Variants in DNAH11 observed in about 807,000 individuals in gnomAD.
DNAH11 encodes the protein dynein axonemal heavy chain 11, also known as axonemal beta dynein heavy chain 11.
In DNAH11, 442 loss-of-function variants were observed where a neutral mutation model predicts 526.0. The observed-to-expected ratio is 0.84, with a 90% CI of 0.78 to 0.91. The LOEUF is 0.91. DNAH11 is among the 40% of genes least tolerant of loss of function. The probability of loss-of-function intolerance (pLI) is 0.00; values close to 1 mark genes in which losing one functional copy is unlikely to be tolerated. For synonymous variants in DNAH11, 2,461 were observed against 1,935.9 expected (o/e 1.27, Z -7.12); for missense variants, 6,989 against 5,448.7 (o/e 1.28, Z -8.90).
At position 21,612,554 on chromosome 7, in the gene DNAH11, C is replaced by CAAAAAAAAAAAA. The variant is rs34356379; in HGVS notation, c.3853-2549_3853-2538dup. ...TGGGCGACAGAGTGAGGCTCCGTCT[C>CAAAAAAAAAAAA]AAAAAAAAAAAAAAAAAAAAAAGAG... is the stretch of plus-strand genomic sequence containing the variant. On this transcript the variant is annotated intron_variant, in intron 20 of 81. Transcript: ENST00000409508. Among the ~76,000 whole-genome samples, 12 of 81,230 alleles carry CAAAAAAAAAAAA rather than the reference C, an allele frequency of 1.5e-4. 1 individual carries two copies. Among genetic ancestry groups the CAAAAAAAAAAAA allele is most frequent in the African/African-American group, 5.7e-4 (11 of 19,222 alleles). The allele number at this position is 81,230 out of a possible 152,430, so 53.3% of individuals were successfully genotyped here.
intron 30 of DNAH11, among the ~76,000 whole-genome samples, chr7:21,674,920 C>T (rs1003418870): frequency 6.6e-6 from 1 of 152,122 alleles, no homozygotes; most frequent in Non-Finnish European, 1.5e-5. Flanking sequence ...GCCCGCTTGA[C>T]TCTTCTTTTC....
chr7:21,617,878 C>T, intron 23 of DNAH11, 101 bp downstream of exon 23: 2 of 1,247,244 alleles, frequency 1.6e-6, no homozygotes, highest in Admixed American at 2.8e-5. Flanking sequence ...GAAAAGACCC[C>T]CCTCAGCATA....
At chr7:21,637,568 G>T (rs868629059) in intron 26 of DNAH11, 43 bp from the exon 27 acceptor site, 1 of 1,230,256 alleles carries the variant, frequency 8.1e-7, no homozygotes, top group Non-Finnish European at 1.2e-6. Context: ...GTTTAGAAAA[G>T]ATTGTTCTAA....
chr7:21,865,757 T>C (rs1475040331), intron 70 of DNAH11, among the ~76,000 whole-genome samples: 1 of 152,174 alleles, frequency 6.6e-6, no homozygotes, highest in East Asian at 1.9e-4. Context: ...AGCAAGTTTA[T>C]TAATAAAGGA....
chr7:21,709,580 A>C (rs1310647738), intron 40 of DNAH11, among the ~76,000 whole-genome samples: 1 of 152,216 alleles, frequency 6.6e-6, no homozygotes, highest in Non-Finnish European at 1.5e-5. Flanking sequence ...CTAAAATAAA[A>C]GTTGAAATTT....
chr7:21,618,765 C>T (rs1785903025), intron 23 of DNAH11, among the ~76,000 whole-genome samples: 1 of 152,014 alleles, frequency 6.6e-6, no homozygotes, highest in African/African-American at 2.4e-5. Context: ...GGGATTTCAA[C>T]CAAATTATAA....
At chr7:21,885,923 G>A (rs1450201171) in intron 76 of DNAH11, among the ~76,000 whole-genome samples, 2 of 152,070 alleles carry the variant, frequency 1.3e-5, no homozygotes, top group Non-Finnish European at 2.9e-5. Flanking sequence ...TGTGTTTTCT[G>A]GAAAAAGTAC....
In DNAH11 at chr7:21,866,495, G is replaced by C; in HGVS notation, c.11522G>C (p.Arg3841Pro). Residue 3841 changes from arginine to proline, a missense_variant, in exon 71 of 82, where the codon CGA becomes CCA. Transcript: ENST00000409508. ...IKAIAVMEEF[R>P]GIDRDVEGSA... ...GCAATTGCCGTCATGGAAGAATTTC[G>C]AGGCATAGACCGAGATGTGGAAGGA... The C allele has an allele frequency of 6.2e-7, 1 of 1,611,248 alleles. No homozygotes were observed. The highest frequency in any genetic ancestry group is 8.5e-7 in the Non-Finnish European group (1 of 1,179,018).
At chr7:21,775,161 G>A (rs1474225212) in intron 56 of DNAH11, among the ~76,000 whole-genome samples, 1 of 151,142 alleles carries the variant, frequency 6.6e-6, no homozygotes, top group Non-Finnish European at 1.5e-5. Context: ...ACAAAACACT[G>A]TGATCTGTAC....
intron 65 of DNAH11, among the ~76,000 whole-genome samples, chr7:21,824,530 C>A (rs1431972483): frequency 1.3e-5 from 2 of 151,770 alleles, no homozygotes; most frequent in African/African-American, 4.8e-5. Context: ...AAGATCTGTC[C>A]CATTAAAAGA....
rs773707534 is a variant in DNAH11 at position 21,704,603 on chromosome 7, A to G, written c.6443A>G (p.Gln2148Arg). ...VRQSTLELRL[Q>R]PEESFILKVV... ...CAGTCTACCCTGGAGCTCCGCCTGC[A>G]GCCTGAAGAGAGCTTCATCCTCAAA... The change falls in exon 38 of 82, where the codon CAG becomes CGG. Residue 2148 changes from glutamine (Q) to arginine (R), a missense_variant. Coordinates refer to ENST00000409508, the MANE Select transcript of DNAH11 (RefSeq NM_001277115.2). 2 of 1,603,742 alleles carry G rather than the reference A, an allele frequency of 1.2e-6. No homozygotes were observed. Among genetic ancestry groups the G allele is most frequent in the Admixed American group, 3.5e-5 (2 of 56,706 alleles).
chr7:21,618,473 G>T, intron 23 of DNAH11: 1 of 152,584 alleles, frequency 6.6e-6, no homozygotes, highest in East Asian at 1.9e-4. Flanking sequence ...AGTGAGTTTG[G>T]GTATGTCGAA....
chr7:21,749,444 C>G (rs1786304139), intron 52 of DNAH11, among the ~76,000 whole-genome samples: 1 of 152,164 alleles, frequency 6.6e-6, no homozygotes, highest in African/African-American at 2.4e-5. Context: ...TTTCATCCCT[C>G]TGCTCCAGTA....
intron 68 of DNAH11, among the ~76,000 whole-genome samples, chr7:21,857,308 AAAATT>A (rs1782889462): frequency 6.6e-6 from 1 of 152,170 alleles, no homozygotes; most frequent in Admixed American, 6.5e-5. Context: ...ATTGTTGAGA[AAAATT>A]AAAGAAGTCC....
At chr7:21,616,919 T>G (rs1785808098) in intron 22 of DNAH11, among the ~76,000 whole-genome samples, 1 of 152,182 alleles carries the variant, frequency 6.6e-6, no homozygotes. Context: ...CCATTTGCTT[T>G]TTTTCCACCC....
At chr7:21,599,559 C>T (rs1784992758) in intron 14 of DNAH11, among the ~76,000 whole-genome samples, 1 of 152,204 alleles carries the variant, frequency 6.6e-6, no homozygotes, top group Non-Finnish European at 1.5e-5. Context: ...TTGTAGAGAA[C>T]TTTCCTTGAA....
At chr7:21,630,280 C>T (rs753792882) in intron 25 of DNAH11, among the ~76,000 whole-genome samples, 3 of 152,006 alleles carry the variant, frequency 2.0e-5, no homozygotes, top group Admixed American at 6.5e-5. Flanking sequence ...ATCTCTTAAC[C>T]GTTTGCTGTA....
At chr7:21,695,512 A>C (rs111404746) in intron 35 of DNAH11, among the ~76,000 whole-genome samples, 18,932 of 152,228 alleles carry the variant, frequency 0.12, 1,234 homozygotes, top group East Asian at 0.21. Context: ...CGTATTTAAT[A>C]AATGGTGCTG....
intron 9 of DNAH11, among the ~76,000 whole-genome samples, chr7:21,584,817 T>C (rs557119884): frequency 9.7e-4 from 148 of 152,310 alleles, no homozygotes; most frequent in Non-Finnish European, 1.5e-3. Flanking sequence ...GTAATCTTCT[T>C]CACTTAACAG....
Sources: gnomAD v4.1 joint callset for allele counts (sites outside exome capture counted in the v4.1 genomes callset) on GRCh38, gnomAD v4.1.1 for gene constraint, MANE v1.5 for transcripts, NCBI Gene and HGNC (gene_info 2026-07-23, HGNC 2026-07-21) for gene names.